The following RABGAP1L variants were observed in gnomAD, a reference collection of about 807,000 sequenced individuals.
RABGAP1L encodes the protein RAB GTPase activating protein 1 like, also known as rab GTPase-activating protein 1-like.
A neutral mutation model predicts 137.7 loss-of-function variants in RABGAP1L; 63 were observed. The ratio of observed to expected loss-of-function variants is 0.46; its 90% CI spans 0.37 to 0.56. RABGAP1L has a LOEUF of 0.56. RABGAP1L is among the 20% of genes least tolerant of loss of function. The probability of loss-of-function intolerance (pLI) is 0.00; values close to 1 mark genes in which losing one functional copy is unlikely to be tolerated. For missense variants in RABGAP1L, 1,095 were observed against 1,244.0 expected, an observed-to-expected ratio of 0.88 and a Z score of 1.80; for synonymous variants, 431 against 433.7, an observed-to-expected ratio of 0.99 and a Z score of 0.08.
intron 17 of RABGAP1L, among the ~76,000 whole-genome samples, chr1:174,740,770 G>A (rs1186795107): frequency 6.6e-6 from 1 of 152,078 alleles, no homozygotes; most frequent in Non-Finnish European, 1.5e-5. Context: ...GATTCTGGCT[G>A]AGGTATGCTA....
chr1:174,269,436 G>C (rs61828594), intron 7 of RABGAP1L, among the ~76,000 whole-genome samples: 2 of 152,218 alleles, frequency 1.3e-5, no homozygotes, highest in African/African-American at 4.8e-5. Context: ...GTTTTGTAGT[G>C]ATAGACATGG....
chr1:174,317,981 T>C (rs1023710795), intron 11 of RABGAP1L, among the ~76,000 whole-genome samples: 1 of 151,878 alleles, frequency 6.6e-6, no homozygotes, highest in South Asian at 2.1e-4. Flanking sequence ...TGCCCAGTGA[T>C]GCTTACCCCA....
chr1:174,208,032 A>T (rs145221792), intron 1 of RABGAP1L, among the ~76,000 whole-genome samples: 2 of 152,220 alleles, frequency 1.3e-5, no homozygotes, highest in Admixed American at 6.5e-5. Context: ...TACATTAATT[A>T]GATCTGATTT....
At chr1:174,674,537 G>T (rs1005313753) in intron 14 of RABGAP1L, among the ~76,000 whole-genome samples, 2 of 151,260 alleles carry the variant, frequency 1.3e-5, no homozygotes, top group African/African-American at 2.4e-5. Flanking sequence ...GAATAGTGCC[G>T]CAATAAACAT....
In RABGAP1L at chr1:174,352,874, A is replaced by G. The variant is rs1274685316; in HGVS notation, c.1466-18105A>G. 2.6e-5 allele frequency among the ~76,000 whole-genome samples: 4 copies of G among 152,124 alleles called. 1 individual carries two copies. The highest frequency in any genetic ancestry group is 2.9e-5 in the Non-Finnish European group (2 of 68,026). On this transcript the variant is annotated intron_variant, in intron 11 of 25. Coordinates refer to ENST00000681986, the MANE Select transcript of RABGAP1L (RefSeq NM_001366446.1). ...GGTGGTCTTCGGTAAGATCCAGGAA[A>G]ATTCTTTGTATTAGCAGGCAGAGAC...
In RABGAP1L at chr1:174,694,679, T is replaced by C. The variant is rs1289179786; in HGVS notation, c.1900-4846T>C. Among the ~76,000 whole-genome samples, 105 of 152,134 alleles carry C rather than the reference T, an allele frequency of 6.9e-4. 1 individual carries two copies. The South Asian group carries it at 0.019, about 28-fold the overall frequency. On this transcript the variant is annotated intron_variant, in intron 15 of 25. Coordinates refer to ENST00000681986, the MANE Select transcript of RABGAP1L (RefSeq NM_001366446.1). ...AAACATACGTGTGTATGTGTCTTTA[T>C]AGCAGCATGATTTATAGTCCTTTGG... is the stretch of plus-strand genomic sequence containing the variant.
chr1:174,689,775 C>T (rs1678744244), intron 15 of RABGAP1L, among the ~76,000 whole-genome samples: 1 of 152,078 alleles, frequency 6.6e-6, no homozygotes, highest in African/African-American at 2.4e-5. Context: ...TGTCACAGCC[C>T]AGGTCTTTAG....
chr1:174,486,223 CTTTTT>C (rs201692363), intron 13 of RABGAP1L, among the ~76,000 whole-genome samples: 1 of 119,878 alleles, frequency 8.3e-6, no homozygotes, highest in East Asian at 2.5e-4. Flanking sequence ...GTTCTTTTTT[CTTTTT>C]TTTTTTTTTT....
chr1:174,459,377 G>T (rs1460581636), intron 13 of RABGAP1L, among the ~76,000 whole-genome samples: 1 of 151,986 alleles, frequency 6.6e-6, no homozygotes. Flanking sequence ...TACAGTTCAC[G>T]GAGTCTGTTA....
At chr1:174,635,360 T>G (rs183637055) in intron 13 of RABGAP1L, among the ~76,000 whole-genome samples, 2 of 152,340 alleles carry the variant, frequency 1.3e-5, no homozygotes, top group Admixed American at 1.3e-4. Context: ...AGGTAGTTTA[T>G]AAGTGGAAAC....
chr1:174,482,303 A>G (rs1365552148), intron 13 of RABGAP1L, among the ~76,000 whole-genome samples: 2 of 152,228 alleles, frequency 1.3e-5, no homozygotes, highest in Admixed American at 6.5e-5. Flanking sequence ...TAAATACTAA[A>G]AATTCAGAGA....
chr1:174,835,166 T>A (rs1692610977), intron 19 of RABGAP1L, among the ~76,000 whole-genome samples: 1 of 152,196 alleles, frequency 6.6e-6, no homozygotes, highest in Admixed American at 6.5e-5. Flanking sequence ...AGCACCTGAC[T>A]TGAAAAACTG....
At chr1:174,455,713 A>G (rs1018555827) in intron 13 of RABGAP1L, among the ~76,000 whole-genome samples, 1 of 152,178 alleles carries the variant, frequency 6.6e-6, no homozygotes, top group African/African-American at 2.4e-5. Context: ...TTTTATAATT[A>G]AAAATGCTAA....
At chr1:174,901,791 C>T (rs1325051749) in intron 19 of RABGAP1L, among the ~76,000 whole-genome samples, 1 of 152,106 alleles carries the variant, frequency 6.6e-6, no homozygotes, top group Admixed American at 6.6e-5. Flanking sequence ...TTGCATTGAT[C>T]GTTTCTCATC....
intron 21 of RABGAP1L, among the ~76,000 whole-genome samples, chr1:174,973,015 G>A (rs1574049156): frequency 6.6e-6 from 1 of 152,140 alleles, no homozygotes; most frequent in East Asian, 1.9e-4. Context: ...GAGGTATAGT[G>A]GTTGGCTGTA....
chr1:174,222,502 G>A (rs1669834658), intron 3 of RABGAP1L, among the ~76,000 whole-genome samples: 5 of 152,136 alleles, frequency 3.3e-5, no homozygotes, highest in Admixed American at 3.3e-4. Flanking sequence ...GAGTGAAAAA[G>A]TATCAGTAGA....
At chr1:174,564,250 A>G (rs1667419985) in intron 13 of RABGAP1L, among the ~76,000 whole-genome samples, 1 of 152,148 alleles carries the variant, frequency 6.6e-6, no homozygotes, top group South Asian at 2.1e-4. Flanking sequence ...AAATCTCAAG[A>G]TAAAATTTTT....
chr1:174,162,677 T>G (rs1190300837), intron 1 of RABGAP1L, among the ~76,000 whole-genome samples: 1 of 151,824 alleles, frequency 6.6e-6, no homozygotes, highest in Non-Finnish European at 1.5e-5. Flanking sequence ...TTTATAACTC[T>G]TGACTTATAT....
intron 17 of RABGAP1L, among the ~76,000 whole-genome samples, chr1:174,733,201 A>C (rs1419441276): frequency 2.0e-5 from 3 of 152,154 alleles, no homozygotes; most frequent in Non-Finnish European, 2.9e-5. Flanking sequence ...AGGGAAATAA[A>C]ATTTCTTTTA....
Sources: allele counts gnomAD v4.1 joint callset (sites outside exome capture counted in the v4.1 genomes callset), GRCh38; gene constraint gnomAD v4.1.1; transcripts MANE v1.5; gene names NCBI Gene and HGNC (gene_info 2026-07-23, HGNC 2026-07-21).